Variants in SEC31B observed in about 807,000 individuals in gnomAD.
The protein encoded by SEC31B is protein transport protein Sec31B.
In SEC31B, 113 loss-of-function variants were observed where a neutral mutation model predicts 135.0. The observed-to-expected ratio is 0.84, with a 90% CI of 0.72 to 0.98. The LOEUF is 0.98. SEC31B is among the 50% of genes least tolerant of loss of function. The pLI, the probability that SEC31B is intolerant of heterozygous loss-of-function variation, is 0.00. For missense variants in SEC31B, 1,296 were observed against 1,421.1 expected, an observed-to-expected ratio of 0.91 and a Z score of 1.42; for synonymous variants, 508 against 549.4, an observed-to-expected ratio of 0.92 and a Z score of 1.05.
chr10:100,499,546 C>T lies in SEC31B; in HGVS notation c.1463G>A (p.Ser488Asn). 1.2e-6 allele frequency: 2 copies of T among 1,611,722 alleles called. No individual in the cohort carries two copies. The highest frequency in any genetic ancestry group is 2.2e-5 in the East Asian group (1 of 44,872). Residue 488 changes from serine to asparagine, a missense_variant, in exon 12 of 26, where the codon AGT becomes AAT. By Grantham distance (46) the Ser-to-Asn change is conservative. Coordinates refer to ENST00000370345, the MANE Select transcript of SEC31B (RefSeq NM_015490.4). ...TACCTTCTTCTGAAGCTCATCTTTA[C>T]TGTATCCTAAAAGCTTTAGGAATTT... ...RMKFLKLLGY[S>N]KDELQKKVAT...
At chr10:100,490,597 C>T in intron 20 of SEC31B, 109 bp downstream of exon 20, 6 of 1,160,216 alleles carry the variant, frequency 5.2e-6, no homozygotes, top group Non-Finnish European at 7.0e-6. Flanking sequence ...AACTTCCAAG[C>T]TCCTCTCACT....
intron 19 of SEC31B, 97 bp from the exon 20 acceptor site, chr10:100,490,980 T>G (rs543858753): frequency 2.3e-6 from 2 of 854,956 alleles, no homozygotes; most frequent in Admixed American, 3.7e-5. Flanking sequence ...AAACAAAAAC[T>G]AGTTCTTTGA....
At chr10:100,505,319 C>T in intron 10 of SEC31B, 42 bp downstream of exon 10, 1 of 1,603,462 alleles carries the variant, frequency 6.2e-7, no homozygotes, top group Non-Finnish European at 8.5e-7. Context: ...CACACACACA[C>T]ACACACAAAC....
chr10:100,487,908 G>A lies in SEC31B; in HGVS notation c.3361-113C>T, dbSNP rs1471759458. On this transcript the variant is annotated intron_variant, in intron 25 of 25. Transcript: ENST00000370345. ...GGGGCCCAGTCCAGGCAAGATGCAC[G>A]TATTTTGTGGGGAACCCAGGTCAGT... 37 of 1,505,372 alleles carry A rather than the reference G, an allele frequency of 2.5e-5. No homozygotes were observed. The Admixed American group carries it at 3.5e-4, about 14-fold the overall frequency. 93.3% of individuals were successfully genotyped at this position (1,505,372 alleles called of 1,614,324 possible).
chr10:100,497,208 CA>C lies in SEC31B; in HGVS notation c.2062del (p.Cys688AlafsTer27). On this transcript the variant is annotated frameshift_variant, in exon 17 of 26. Transcript: ENST00000370345. LOFTEE classifies it high-confidence loss of function. ...LTSEARLCYV[C>X]SGSVERLVEC... Reference sequence around the variant, plus strand: ...CACCAGCCGCTCCACACTCCCTGAGCACACATAACAGAGTCTGGCTTCGGAG... The same window carrying C: ...CACCAGCCGCTCCACACTCCCTGAGCCACATAACAGAGTCTGGCTTCGGAG... 6.2e-7 allele frequency: 1 copy of C among 1,614,256 alleles called. No homozygotes were observed. The highest frequency in any genetic ancestry group is 1.1e-5 in the South Asian group (1 of 91,090).
chr10:100,493,315 G>A (rs1291015547), intron 19 of SEC31B, among the ~76,000 whole-genome samples: 1 of 151,468 alleles, frequency 6.6e-6, no homozygotes, highest in Non-Finnish European at 1.5e-5. Flanking sequence ...AGAGCTTGCA[G>A]TGAGCCAAGA....
At chr10:100,497,364 T>G in intron 16 of SEC31B, 84 bp from the exon 17 acceptor site, 1 of 1,575,180 alleles carries the variant, frequency 6.3e-7, no homozygotes, top group South Asian at 1.1e-5. Context: ...GAGAGGACCA[T>G]GAGCCTGGGA....
chr10:100,505,643 G>A (rs774074287), intron 9 of SEC31B, 148 bp from the exon 10 acceptor site: 3 of 1,432,076 alleles, frequency 2.1e-6, no homozygotes, highest in Admixed American at 6.2e-5. Context: ...ATGGGGAAGT[G>A]AGTGGTAGCG....
intron 10 of SEC31B, among the ~76,000 whole-genome samples, chr10:100,504,781 G>A (rs1294688957): frequency 6.6e-6 from 1 of 151,962 alleles, no homozygotes; most frequent in African/African-American, 2.4e-5. Context: ...GAAAGGCTGT[G>A]GTAGCATTCA....
At chr10:100,516,779 G>C (rs755449358) in intron 2 of SEC31B, 95 bp downstream of exon 2, 3 of 958,918 alleles carry the variant, frequency 3.1e-6, no homozygotes, top group Non-Finnish European at 4.9e-6. Context: ...TATGATCTGA[G>C]AGCTTTCTCT....
chr10:100,511,429 C>A (rs529927019), intron 3 of SEC31B, among the ~76,000 whole-genome samples: 1 of 152,142 alleles, frequency 6.6e-6, no homozygotes, highest in Non-Finnish European at 1.5e-5. Context: ...TATTCTGCAA[C>A]TTTCCTGTAA....
At chr10:100,497,023 C>G in intron 17 of SEC31B, 112 bp downstream of exon 17, 1 of 1,316,912 alleles carries the variant, frequency 7.6e-7, no homozygotes, top group African/African-American at 1.4e-5. Flanking sequence ...TCCCTAACAC[C>G]GTGGTTCCAG....
At chr10:100,495,948 T>C (rs1851400705) in intron 18 of SEC31B, among the ~76,000 whole-genome samples, 1 of 152,222 alleles carries the variant, frequency 6.6e-6, no homozygotes, top group African/African-American at 2.4e-5. Context: ...GCTCTATATC[T>C]GCTGGTAAGC....
rs766565143 is a variant in SEC31B at position 100,495,409 on chromosome 10, T to C, written c.2448A>G (p.Arg816=). Residue 816 remains arginine (R), a synonymous_variant, in exon 19 of 26, where the codon AGA becomes AGG. Transcript: ENST00000370345. The part of the protein sequence containing the change: ...TLHSKETSSY[R]LGSQPSHQVP... ...CCTGGTGAGAAGGCTGGGATCCCAA[T>C]CTGTAAGATGATGTCTCTTTAGAGT... 1.9e-6 allele frequency: 3 copies of C among 1,613,738 alleles called. No homozygotes were observed. In the African/African-American group the frequency reaches 4.0e-5, roughly 22 times the overall value.
chr10:100,488,154 G>T, intron 24 of SEC31B, 56 bp from the exon 25 acceptor site: 1 of 1,487,560 alleles, frequency 6.7e-7, no homozygotes. Context: ...ACCACACAGG[G>T]CCATAAAGAA....
At chr10:100,512,732 T>C (rs867290074) in intron 3 of SEC31B, among the ~76,000 whole-genome samples, 2 of 151,986 alleles carry the variant, frequency 1.3e-5, no homozygotes, top group Admixed American at 1.3e-4. Flanking sequence ...AAAAGAGATA[T>C]AGGAAGAGGT....
At chr10:100,487,958 TG>T in intron 25 of SEC31B, 68 bp downstream of exon 25, 1 of 1,559,358 alleles carries the variant, frequency 6.4e-7, no homozygotes, top group Non-Finnish European at 8.8e-7. Context: ...GAAAAGACAC[TG>T]GGCTTCCTTT....
At chr10:100,497,372 G>C in intron 16 of SEC31B, 92 bp from the exon 17 acceptor site, 3 of 1,563,846 alleles carry the variant, frequency 1.9e-6, no homozygotes, top group Non-Finnish European at 2.6e-6. Flanking sequence ...CATGAGCCTG[G>C]GACAAGTAGC....
chr10:100,491,781 T>C (rs908827551), intron 19 of SEC31B, among the ~76,000 whole-genome samples: 2 of 152,214 alleles, frequency 1.3e-5, no homozygotes, highest in African/African-American at 2.4e-5. Context: ...TGCAACAGTG[T>C]TGGGAAAGTG....
Sources: allele counts gnomAD v4.1 joint callset (sites outside exome capture counted in the v4.1 genomes callset), GRCh38; gene constraint gnomAD v4.1.1; transcripts MANE v1.5; gene names NCBI Gene and HGNC (gene_info 2026-07-23, HGNC 2026-07-21).